Variants in CHN2 observed in about 807,000 individuals in gnomAD.
CHN2 encodes the protein chimerin 2.
A neutral mutation model predicts 56.3 loss-of-function variants in CHN2; 35 were observed. That is an observed-to-expected ratio of 0.62 (90% CI 0.47 to 0.82). The LOEUF (loss-of-function observed/expected upper bound fraction) is 0.82, where lower values mean the gene tolerates loss of function less well. Among genes scored for constraint, CHN2 ranks in the 40% least tolerant of loss-of-function variants. The pLI is 0.00. For missense variants in CHN2, 491 were observed against 580.5 expected (o/e 0.85, Z 1.58); for synonymous variants, 210 against 212.8 (o/e 0.99, Z 0.12).
chr7:29,212,867 C>A (rs1257057878), intron 1 of CHN2: 1 of 1,610,450 alleles, frequency 6.2e-7, no homozygotes. Flanking sequence ...GGTGACCTGA[C>A]TGGGAACCTT....
intron 1 of CHN2, among the ~76,000 whole-genome samples, chr7:29,247,014 T>C (rs1467843168): frequency 6.6e-6 from 1 of 152,132 alleles, no homozygotes; most frequent in African/African-American, 2.4e-5. Context: ...AATGGAGGTG[T>C]GTACCTTGTA....
chr7:29,250,711 CTTT>C (rs529820110), intron 1 of CHN2, among the ~76,000 whole-genome samples: 10 of 110,158 alleles, frequency 9.1e-5, no homozygotes, highest in Non-Finnish European at 4.5e-5. Flanking sequence ...TGAACTTCTT[CTTT>C]TTTTTTTTTT....
intron 6 of CHN2, among the ~76,000 whole-genome samples, chr7:29,442,989 A>G (rs12669807): frequency 0.59 from 80,104 of 135,026 alleles, 25,281 homozygotes; most frequent in African/African-American, 0.81. Context: ...GCCAGACTGC[A>G]GACTGCAGTG....
At chr7:29,295,610 G>A (rs1793087317) in intron 1 of CHN2, among the ~76,000 whole-genome samples, 1 of 152,048 alleles carries the variant, frequency 6.6e-6, no homozygotes, top group East Asian at 1.9e-4. Context: ...AGATGAGAGA[G>A]TTAAAACTGT....
At chr7:29,339,848 C>A (rs919655956) in intron 1 of CHN2, among the ~76,000 whole-genome samples, 2 of 149,782 alleles carry the variant, frequency 1.3e-5, no homozygotes, top group Admixed American at 6.6e-5. Context: ...AATGAAACTC[C>A]GTCTCAAAAA....
intron 1 of CHN2, among the ~76,000 whole-genome samples, chr7:29,308,902 C>T (rs1367806794): frequency 6.6e-6 from 1 of 152,168 alleles, no homozygotes; most frequent in Non-Finnish European, 1.5e-5. Flanking sequence ...TTGTGTTCCT[C>T]TCCAAGACCA....
chr7:29,268,017 T>TCAG (rs1790283890), intron 1 of CHN2, among the ~76,000 whole-genome samples: 2 of 152,180 alleles, frequency 1.3e-5, no homozygotes, highest in Non-Finnish European at 2.9e-5. Flanking sequence ...ACTGAATATT[T>TCAG]TATACTGAAA....
intron 5 of CHN2, among the ~76,000 whole-genome samples, chr7:29,399,376 C>G (rs913866661): frequency 2.6e-5 from 4 of 152,206 alleles, no homozygotes; most frequent in Admixed American, 6.5e-5. Context: ...CCCCAGGAAC[C>G]TGTCGTGAGG....
chr7:29,421,698 C>T (rs118064030), intron 6 of CHN2, among the ~76,000 whole-genome samples: 4 of 152,294 alleles, frequency 2.6e-5, no homozygotes, highest in East Asian at 3.9e-4. Flanking sequence ...GGCTCATAAA[C>T]GTCTGAGATA....
intron 6 of CHN2, among the ~76,000 whole-genome samples, chr7:29,434,390 TC>T (rs1783073055): frequency 6.6e-6 from 1 of 152,074 alleles, no homozygotes; most frequent in Non-Finnish European, 1.5e-5. Flanking sequence ...TTTTTTTTTT[TC>T]TTCTCAATTC....
chr7:29,479,905 A>G (rs1786954449), intron 6 of CHN2: 5 of 1,425,456 alleles, frequency 3.5e-6, no homozygotes, highest in Admixed American at 2.9e-5. Context: ...AAGAAATAGC[A>G]CAAAACAGGC....
At chr7:29,162,432 C>A (rs1260477949) in intron 2 of CHN2, among the ~76,000 whole-genome samples, 2 of 152,080 alleles carry the variant, frequency 1.3e-5, no homozygotes, top group African/African-American at 2.4e-5. Flanking sequence ...GAGGCCAAAG[C>A]GGGCAGATCA....
chr7:29,309,077 T>C (rs1055158309), intron 1 of CHN2, among the ~76,000 whole-genome samples: 34 of 152,218 alleles, frequency 2.2e-4, no homozygotes, highest in African/African-American at 7.7e-4. Context: ...ATGGAAAGCA[T>C]AGACCTTGTC....
At chr7:29,188,948 CT>C (rs11376135) in intron 2 of CHN2, among the ~76,000 whole-genome samples, 312 of 129,944 alleles carry the variant, frequency 2.4e-3, no homozygotes, top group Middle Eastern at 8.1e-3. Context: ...TTCCTCATAC[CT>C]TTTTTTTTTT....
rs747191597 is a variant in CHN2, at chr7:29,504,741, C to A, written c.914-3C>A. ...AGTCAGTCTCTCTCTCTCTCTCTAA[C>A]AGGATTAAAATCGGAAGGCCTTTAC... On this transcript the variant is annotated splice_polypyrimidine_tract_variant and splice_region_variant and intron_variant, in intron 9 of 12. Coordinates refer to ENST00000222792, the MANE Select transcript of CHN2 (RefSeq NM_004067.4). The A allele has an allele frequency of 6.3e-7, 1 of 1,577,352 alleles. No individual in the cohort carries two copies. The highest frequency in any genetic ancestry group is 8.7e-7 in the Non-Finnish European group (1 of 1,152,658).
At chr7:29,395,187 A>G (rs1801652639) in intron 4 of CHN2, among the ~76,000 whole-genome samples, 1 of 152,222 alleles carries the variant, frequency 6.6e-6, no homozygotes, top group South Asian at 2.1e-4. Flanking sequence ...AACTTTTGAA[A>G]TTGGAATTTT....
Position 29,194,961 on chromosome 7 carries a change from C to A in CHN2, c.20C>A (p.Ser7Tyr), listed in dbSNP as rs772176032. The A allele has an allele frequency of 2.5e-6, 4 of 1,584,284 alleles. No individual in the cohort carries two copies. Among genetic ancestry groups the A allele is most frequent in the Non-Finnish European group, 2.6e-6 (3 of 1,168,138 alleles). MAASSN[S>Y]SLSGSSVSSD... Reference sequence around the variant, plus strand: ...GCGGAGATGGCAGCGTCCAGCAACTCCAGCCTGTCCGGCTCGTCGGTGTCC... The same window carrying A: ...GCGGAGATGGCAGCGTCCAGCAACTACAGCCTGTCCGGCTCGTCGGTGTCC... The change falls in exon 1 of 13, where the codon TCC becomes TAC. Residue 7 changes from serine (S) to tyrosine (Y), a missense_variant. Ser to Tyr is a moderately radical substitution (Grantham distance 144, BLOSUM62 -2). Transcript: ENST00000222792.
intron 1 of CHN2, among the ~76,000 whole-genome samples, chr7:29,206,877 T>C (rs1425441571): frequency 2.0e-5 from 3 of 152,204 alleles, no homozygotes; most frequent in African/African-American, 7.2e-5. Context: ...TCCACGCATA[T>C]GGAACACTCA....
chr7:29,437,752 C>T (rs1298269505), intron 6 of CHN2, among the ~76,000 whole-genome samples: 3 of 151,092 alleles, frequency 2.0e-5, no homozygotes, highest in Admixed American at 6.6e-5. Context: ...TAGATTATTT[C>T]GAAAGAAAAA....
Sources: gnomAD v4.1 joint callset for allele counts (sites outside exome capture counted in the v4.1 genomes callset) on GRCh38, gnomAD v4.1.1 for gene constraint, MANE v1.5 for transcripts, NCBI Gene and HGNC (gene_info 2026-07-23, HGNC 2026-07-21) for gene names.